The following AGBL1 variants were observed in gnomAD, a reference collection of about 807,000 sequenced individuals.
AGBL1 encodes AGBL carboxypeptidase 1.
In AGBL1, 130 loss-of-function variants were observed where a neutral mutation model predicts 118.9. That is an observed-to-expected ratio of 1.09 (90% CI 0.95 to 1.26). AGBL1 has a LOEUF of 1.26. AGBL1 is among the 50% of genes most tolerant of loss of function. The pLI is 0.00. For synonymous variants in AGBL1, 555 were observed against 478.9 expected (o/e 1.16, Z -2.08); for missense variants, 1,584 against 1,298.1 (o/e 1.22, Z -3.38).
chr15:86,794,933 A>G (rs980667982), intron 22 of AGBL1, among the ~76,000 whole-genome samples: 48 of 152,202 alleles, frequency 3.2e-4, no homozygotes, highest in Non-Finnish European at 2.9e-4. Context: ...CACATCACAG[A>G]AAGTTCCTAA....
chr15:86,549,008 A>G (rs1028855394), intron 20 of AGBL1, among the ~76,000 whole-genome samples: 22 of 151,988 alleles, frequency 1.4e-4, no homozygotes, highest in African/African-American at 4.6e-4. Flanking sequence ...TTAAACTACT[A>G]GATCTCATGA....
chr15:86,503,585 T>A (rs999494094), intron 18 of AGBL1, among the ~76,000 whole-genome samples: 2 of 151,346 alleles, frequency 1.3e-5, no homozygotes, highest in African/African-American at 4.8e-5. Context: ...AAATATGTAT[T>A]TTTTCTGCTT....
At chr15:86,740,326 T>A (rs904860215) in intron 22 of AGBL1, among the ~76,000 whole-genome samples, 2 of 152,238 alleles carry the variant, frequency 1.3e-5, no homozygotes, top group Admixed American at 6.5e-5. Context: ...TCTGAACCTC[T>A]GTATATATAA....
chr15:86,924,533 C>G (rs996354335), intron 23 of AGBL1, among the ~76,000 whole-genome samples: 27 of 152,146 alleles, frequency 1.8e-4, no homozygotes, highest in African/African-American at 6.5e-4. Flanking sequence ...GGGTGCTCAG[C>G]AGGCATATTG....
chr15:86,400,600 C>T (rs1211438835), intron 18 of AGBL1, among the ~76,000 whole-genome samples: 4 of 149,474 alleles, frequency 2.7e-5, no homozygotes, highest in African/African-American at 4.9e-5. Context: ...GTCTTTTATC[C>T]CTCACCCCCC....
intron 22 of AGBL1, among the ~76,000 whole-genome samples, chr15:86,844,784 C>T (rs1302162175): frequency 6.6e-6 from 1 of 151,982 alleles, no homozygotes; most frequent in Non-Finnish European, 1.5e-5. Flanking sequence ...TTTTTGCTTG[C>T]CCAAAGTAAT....
At chr15:86,775,656 G>A (rs375952182) in intron 22 of AGBL1, among the ~76,000 whole-genome samples, 5 of 152,080 alleles carry the variant, frequency 3.3e-5, no homozygotes, top group African/African-American at 1.2e-4. Context: ...TTTATACTTG[G>A]ACCTTTTCTT....
intron 23 of AGBL1, among the ~76,000 whole-genome samples, chr15:86,967,369 G>T (rs2081065404): frequency 6.6e-6 from 1 of 152,068 alleles, no homozygotes; most frequent in Non-Finnish European, 1.5e-5. Flanking sequence ...TGTTGCCATT[G>T]CTTTTGGTGT....
chr15:86,925,199 A>G (rs1286409589), intron 23 of AGBL1, among the ~76,000 whole-genome samples: 3 of 132,822 alleles, frequency 2.3e-5, no homozygotes, highest in African/African-American at 9.6e-5. Context: ...GAAAAGAAGA[A>G]AAGAAGAAGA....
At chr15:86,866,962 G>A (rs969999416) in intron 22 of AGBL1, among the ~76,000 whole-genome samples, 1 of 152,212 alleles carries the variant, frequency 6.6e-6, no homozygotes, top group Non-Finnish European at 1.5e-5. Flanking sequence ...GCAAGATGCA[G>A]AACAGAGGTC....
At chr15:86,582,113 T>C (rs1596287616) in intron 21 of AGBL1, among the ~76,000 whole-genome samples, 1 of 152,130 alleles carries the variant, frequency 6.6e-6, no homozygotes, top group African/African-American at 2.4e-5. Context: ...CCTGTAGTTA[T>C]GACAACCAAA....
chr15:86,158,715 C>T (rs1279436908), intron 4 of AGBL1, among the ~76,000 whole-genome samples: 1 of 152,232 alleles, frequency 6.6e-6, no homozygotes, highest in Non-Finnish European at 1.5e-5. Flanking sequence ...ACTGATTCTT[C>T]ATTTGACATT....
chr15:86,750,018 G>A (rs192897779), intron 22 of AGBL1, among the ~76,000 whole-genome samples: 1 of 152,072 alleles, frequency 6.6e-6, no homozygotes, highest in Non-Finnish European at 1.5e-5. Flanking sequence ...GATGATGCTG[G>A]CCTCATAAAA....
intron 17 of AGBL1, among the ~76,000 whole-genome samples, chr15:86,323,051 C>T (rs1450527162): frequency 6.6e-6 from 1 of 152,048 alleles, no homozygotes; most frequent in East Asian, 1.9e-4. Flanking sequence ...TAGGGGTTGG[C>T]AGGAAACTCT....
intron 6 of AGBL1, among the ~76,000 whole-genome samples, chr15:86,238,763 T>G (rs552175149): frequency 6.6e-6 from 1 of 152,366 alleles, no homozygotes; most frequent in South Asian, 2.1e-4. Context: ...GAATGTTGAC[T>G]CAGAAGAGTT....
intron 18 of AGBL1, among the ~76,000 whole-genome samples, chr15:86,404,419 C>T (rs528866211): frequency 3.9e-5 from 6 of 152,264 alleles, no homozygotes; most frequent in Middle Eastern, 6.8e-3. Flanking sequence ...TCACTCAACT[C>T]GCCAGGATCA....
At chr15:86,391,017 T>TA (rs985288925) in intron 17 of AGBL1, among the ~76,000 whole-genome samples, 13,599 of 120,932 alleles carry the variant, frequency 0.11, 725 homozygotes, top group East Asian at 0.17. Context: ...ACTATGGTGA[T>TA]AAAAAAAAAA....
intron 17 of AGBL1, among the ~76,000 whole-genome samples, chr15:86,334,496 C>T (rs993106369): frequency 1.3e-5 from 2 of 152,222 alleles, no homozygotes; most frequent in South Asian, 4.1e-4. Context: ...CAAAGTACTG[C>T]TAAAAGAAAC....
At chr15:86,625,385 G>GTT (rs3083710) in intron 21 of AGBL1, among the ~76,000 whole-genome samples, 2 of 68,198 alleles carry the variant, frequency 2.9e-5, no homozygotes, top group Non-Finnish European at 5.6e-5. Context: ...TTTTGTTTTT[G>GTT]TTTTTTTTTT....
Sources: gnomAD v4.1 joint callset for allele counts (sites outside exome capture counted in the v4.1 genomes callset) on GRCh38, gnomAD v4.1.1 for gene constraint, MANE v1.5 for transcripts, NCBI Gene and HGNC (gene_info 2026-07-23, HGNC 2026-07-21) for gene names.